The following NPM1 variants were observed in gnomAD, a reference collection of about 807,000 sequenced individuals.
NPM1 encodes the protein nucleophosmin.
NPM1 carries 1 observed loss-of-function variant against 44.1 expected under a neutral mutation model. The observed-to-expected ratio is 0.02, with a 90% CI of 0.01 to 0.11. The LOEUF is 0.11. NPM1 is among the 10% of genes least tolerant of loss of function. The probability of loss-of-function intolerance (pLI) is 1.00; values close to 1 mark genes in which losing one functional copy is unlikely to be tolerated. For synonymous variants in NPM1, 126 were observed against 111.8 expected, an observed-to-expected ratio of 1.13 and a Z score of -0.80; for missense variants, 197 against 347.8, an observed-to-expected ratio of 0.57 and a Z score of 3.45.
chr5:171,391,867 T>C (rs1201206120), intron 4 of NPM1, 68 bp downstream of exon 4: 1 of 948,098 alleles, frequency 1.1e-6, no homozygotes, highest in Non-Finnish European at 1.7e-6. Context: ...GTTCCCAGTT[T>C]GGACTTAAAG....
chr5:171,392,891 G>GT, intron 5 of NPM1, 23 bp from the exon 6 acceptor site: 2 of 1,612,410 alleles, frequency 1.2e-6, no homozygotes, highest in East Asian at 2.2e-5. Context: ...TTGTTCATGA[G>GT]TACGTATCTT....
intron 9 of NPM1, 103 bp downstream of exon 9, chr5:171,405,506 T>C: frequency 1.5e-6 from 1 of 677,602 alleles, no homozygotes; most frequent in South Asian, 1.7e-5. Flanking sequence ...TGTTTTGGTT[T>C]AATATACTTG....
intron 1 of NPM1, among the ~76,000 whole-genome samples, chr5:171,388,549 G>C (rs534550250): frequency 6.6e-6 from 1 of 150,988 alleles, no homozygotes; most frequent in Non-Finnish European, 1.5e-5. Flanking sequence ...GCGGCGCGGC[G>C]TGAGGAGGCC....
chr5:171,403,728 G>GT (rs1771386205), intron 8 of NPM1, among the ~76,000 whole-genome samples: 1 of 145,104 alleles, frequency 6.9e-6, no homozygotes, highest in African/African-American at 2.5e-5. Context: ...GGCCGGCCGG[G>GT]CGGGGGGCTG....
chr5:171,388,078 G>GGGGTGGGGGGGGGGGGGGGGGGGGGC, intron 1 of NPM1, 72 bp downstream of exon 1: 1 of 616,752 alleles, frequency 1.6e-6, no homozygotes, highest in Non-Finnish European at 3.0e-6. Context: ...TGAGGGGCGG[G>GGGGTGGGGGGGGGGGGGGGGGGGGGC]AATCCGGCTG....
At chr5:171,406,308 T>C in intron 9 of NPM1, 1 of 1,130,266 alleles carries the variant, frequency 8.8e-7, no homozygotes, top group Non-Finnish European at 1.3e-6. Flanking sequence ...CACTGATTTT[T>C]GTCCCTTGGA....
intron 6 of NPM1, among the ~76,000 whole-genome samples, chr5:171,395,636 A>G (rs931331515): frequency 4.6e-5 from 7 of 152,228 alleles, no homozygotes; most frequent in African/African-American, 1.4e-4. Flanking sequence ...CTTGAGGGAA[A>G]CAAATATTAA....
At chr5:171,402,936 C>T (rs1364807006) in intron 8 of NPM1, among the ~76,000 whole-genome samples, 4 of 145,130 alleles carry the variant, frequency 2.8e-5, no homozygotes, top group Non-Finnish European at 6.0e-5. Flanking sequence ...CATAAATTAC[C>T]CAATCTCAGG....
intron 4 of NPM1, 82 bp from the exon 5 acceptor site, chr5:171,392,628 T>A: frequency 1.3e-6 from 1 of 797,608 alleles, no homozygotes; most frequent in Non-Finnish European, 1.9e-6. Flanking sequence ...TCTCAGTTTT[T>A]AGAGTATTTA....
chr5:171,399,248 G>A (rs1220047034), intron 6 of NPM1, among the ~76,000 whole-genome samples: 1 of 151,502 alleles, frequency 6.6e-6, no homozygotes, highest in Non-Finnish European at 1.5e-5. Context: ...GGTCCCTTAA[G>A]TGTCTTTTTT....
chr5:171,396,742 T>C (rs1048691784), intron 6 of NPM1, among the ~76,000 whole-genome samples: 1 of 152,048 alleles, frequency 6.6e-6, no homozygotes, highest in African/African-American at 2.4e-5. Flanking sequence ...GCACTTTGGG[T>C]GGTCGATGCG....
rs1771648172 is a variant in NPM1, at chr5:171,407,771, A to G, written c.843A>G (p.Gln281=). 3.7e-6 allele frequency: 6 copies of G among 1,601,216 alleles called. No individual in the cohort carries two copies. The highest frequency in any genetic ancestry group is 5.1e-6 in the Non-Finnish European group (6 of 1,169,040). ...YVKNCFRMTD[Q]EAIQDLWQWR... is the part of the protein sequence containing the mutation. The stretch of plus-strand genomic sequence containing the variant: ...AGAATTGCTTCCGGATGACTGACCA[A>G]GAGGTAACTGGATTTTCTGGGGACA... The change falls in exon 10 of 11, where the codon CAA becomes CAG. Residue 281 remains glutamine (Q), a synonymous_variant. Coordinates refer to ENST00000296930, the MANE Select transcript of NPM1 (RefSeq NM_002520.7).
intron 9 of NPM1, 29 bp from the exon 10 acceptor site, chr5:171,407,671 T>TA (rs1394850751): frequency 2.3e-6 from 3 of 1,308,024 alleles, no homozygotes; most frequent in South Asian, 1.2e-5. Flanking sequence ...TTTCTCTACT[T>TA]ACCTGTAATA....
At chr5:171,402,359 T>C (rs1771259718) in intron 8 of NPM1, among the ~76,000 whole-genome samples, 1 of 151,452 alleles carries the variant, frequency 6.6e-6, no homozygotes, top group Non-Finnish European at 1.5e-5. Context: ...AAACAACAGC[T>C]GCTGGCAAGG....
chr5:171,389,456 G>T (rs757465195), intron 1 of NPM1, among the ~76,000 whole-genome samples: 3 of 152,164 alleles, frequency 2.0e-5, no homozygotes, highest in Non-Finnish European at 2.9e-5. Flanking sequence ...GAGAATTCTG[G>T]TAAATTTATA....
intron 6 of NPM1, among the ~76,000 whole-genome samples, chr5:171,399,480 TC>T: frequency 1.3e-5 from 2 of 152,210 alleles, no homozygotes; most frequent in East Asian, 1.9e-4. Flanking sequence ...AAAACGATCC[TC>T]CCACCTCAGC....
At chr5:171,389,277 C>T (rs879371335) in intron 1 of NPM1, among the ~76,000 whole-genome samples, 5 of 152,236 alleles carry the variant, frequency 3.3e-5, no homozygotes, top group Middle Eastern at 3.4e-3. Flanking sequence ...AACGTCTGTT[C>T]ACATTTAAGC....
At position 171,392,691 on chromosome 5, in the gene NPM1, C is replaced by A; in HGVS notation, c.353-19C>A. 1 of 1,528,730 alleles carries A rather than the reference C, an allele frequency of 6.5e-7. No individual in the cohort carries two copies. Among genetic ancestry groups the A allele is most frequent in the Non-Finnish European group, 9.0e-7 (1 of 1,115,824 alleles). 94.7% of individuals were successfully genotyped at this position (1,528,730 alleles called of 1,614,324 possible). A position where few individuals can be genotyped will look rare whatever the true frequency, so the allele number is the denominator to read the frequency against. Reference sequence around the variant, plus strand: ...TCTTGCTGCTTGAGTTTTATAATGTCTAATAAATTGTATTTTAGCTGTGGA... The same window carrying A: ...TCTTGCTGCTTGAGTTTTATAATGTATAATAAATTGTATTTTAGCTGTGGA... On this transcript the variant is annotated intron_variant, in intron 4 of 10. Coordinates refer to ENST00000296930, the MANE Select transcript of NPM1 (RefSeq NM_002520.7).
Position 171,387,883 on chromosome 5 carries a change from T to A in NPM1, c.-66T>A, listed in dbSNP as rs976394624. 6 of 1,483,828 alleles carry A rather than the reference T, an allele frequency of 4.0e-6. No homozygotes were observed. The highest frequency in any genetic ancestry group is 5.6e-6 in the Non-Finnish European group (6 of 1,064,222). 91.9% of individuals were successfully genotyped at this position (1,483,828 alleles called of 1,614,324 possible). On this transcript the variant is annotated 5_prime_UTR_variant, in exon 1 of 11. Transcript: ENST00000296930. ...GTGTGATTCCGTCCTGCGCGGTTGT[T>A]CTCTGGAGCAGCGTTCTTTTATCTC...
Sources: gnomAD v4.1 joint callset for allele counts (sites outside exome capture counted in the v4.1 genomes callset) on GRCh38, gnomAD v4.1.1 for gene constraint, MANE v1.5 for transcripts, NCBI Gene and HGNC (gene_info 2026-07-23, HGNC 2026-07-21) for gene names.